Variants in GLCE observed in about 807,000 individuals in gnomAD.
The protein encoded by GLCE is D-glucuronyl C5-epimerase.
Under a neutral mutation model 47.9 loss-of-function variants are expected in GLCE, and 19 were observed. That is an observed-to-expected ratio of 0.40 (90% CI 0.28 to 0.58). The LOEUF (loss-of-function observed/expected upper bound fraction) is 0.58. Among genes scored for constraint, GLCE ranks in the 20% least tolerant of loss-of-function variants. GLCE has a pLI of 0.48. For synonymous variants in GLCE, 245 were observed against 263.4 expected (o/e 0.93, Z 0.68); for missense variants, 556 against 743.3 (o/e 0.75, Z 2.93).
chr15:69,175,446 A>G (rs1485343668), intron 1 of GLCE, among the ~76,000 whole-genome samples: 1 of 152,208 alleles, frequency 6.6e-6, no homozygotes, highest in African/African-American at 2.4e-5. Context: ...TACTTACTGG[A>G]CCTCAGTAGT....
intron 2 of GLCE, among the ~76,000 whole-genome samples, chr15:69,224,196 T>G (rs944827209): frequency 4.6e-5 from 7 of 152,230 alleles, no homozygotes; most frequent in African/African-American, 1.7e-4. Context: ...AATCAGATTT[T>G]CTCCTTTCAC....
At chr15:69,246,717 G>GA (rs60267132) in intron 2 of GLCE, among the ~76,000 whole-genome samples, 21,452 of 100,108 alleles carry the variant, frequency 0.21, 2,072 homozygotes, top group African/African-American at 0.32. Flanking sequence ...CTCCATCTCA[G>GA]AAAAAAAAAA....
intron 2 of GLCE, among the ~76,000 whole-genome samples, chr15:69,217,134 A>G (rs2052318349): frequency 6.6e-6 from 1 of 152,040 alleles, no homozygotes; most frequent in Non-Finnish European, 1.5e-5. Context: ...GCCATTATAG[A>G]AAGGTCTGCC....
chr15:69,186,764 C>G (rs1184087687), intron 1 of GLCE, among the ~76,000 whole-genome samples: 1 of 152,122 alleles, frequency 6.6e-6, no homozygotes, highest in Admixed American at 6.5e-5. Context: ...CTGGCTAAAG[C>G]TGTTTTTGAA....
chr15:69,167,557 G>T (rs1348107047), intron 1 of GLCE, among the ~76,000 whole-genome samples: 1 of 152,166 alleles, frequency 6.6e-6, no homozygotes, highest in African/African-American at 2.4e-5. Context: ...GCCAACCATG[G>T]GCCAACTAAT....
chr15:69,261,534 T>C (rs1030951662), intron 4 of GLCE, among the ~76,000 whole-genome samples: 6 of 152,150 alleles, frequency 3.9e-5, no homozygotes, highest in Admixed American at 3.3e-4. Context: ...ATATTTACTA[T>C]GTAAAGAGCC....
intron 1 of GLCE, among the ~76,000 whole-genome samples, chr15:69,186,075 G>A (rs80290385): frequency 0.012 from 1,762 of 152,168 alleles, 28 homozygotes; most frequent in African/African-American, 0.038. Flanking sequence ...GAAGGGGTGC[G>A]GAGCTTTCAT....
chr15:69,165,595 C>A (rs1484210819), intron 1 of GLCE, among the ~76,000 whole-genome samples: 1 of 134,556 alleles, frequency 7.4e-6, no homozygotes, highest in African/African-American at 2.8e-5. Context: ...GTCTTCTGGT[C>A]TTCCCTCTTC....
intron 1 of GLCE, among the ~76,000 whole-genome samples, chr15:69,169,042 T>A (rs188051159): frequency 1.2e-4 from 18 of 152,362 alleles, no homozygotes; most frequent in African/African-American, 4.3e-4. Context: ...ACTTTTCTGA[T>A]ACCCATCACT....
At chr15:69,166,251 AG>A (rs1229419813) in intron 1 of GLCE, among the ~76,000 whole-genome samples, 3 of 152,244 alleles carry the variant, frequency 2.0e-5, no homozygotes, top group Non-Finnish European at 4.4e-5. Context: ...TAATTTGCTC[AG>A]CGTCATTATC....
intron 3 of GLCE, among the ~76,000 whole-genome samples, chr15:69,258,702 C>G (rs1299808706): frequency 6.6e-6 from 1 of 152,060 alleles, no homozygotes; most frequent in Non-Finnish European, 1.5e-5. Context: ...GTATCCATCA[C>G]CTCAACCATT....
At chr15:69,229,829 G>A (rs2052497298) in intron 2 of GLCE, among the ~76,000 whole-genome samples, 5 of 151,734 alleles carry the variant, frequency 3.3e-5, no homozygotes, top group Admixed American at 3.3e-4. Flanking sequence ...ATTAAAAAAT[G>A]GAGATTATCT....
chr15:69,225,405 T>C (rs968225601), intron 2 of GLCE, among the ~76,000 whole-genome samples: 3 of 152,192 alleles, frequency 2.0e-5, no homozygotes, highest in Admixed American at 2.0e-4. Flanking sequence ...TTAAATATGG[T>C]CTTATATCAT....
chr15:69,242,101 G>A (rs1443154671), intron 2 of GLCE, among the ~76,000 whole-genome samples: 4 of 152,142 alleles, frequency 2.6e-5, no homozygotes, highest in Non-Finnish European at 5.9e-5. Context: ...TTGCAGTGTA[G>A]ATAAGGAAAT....
At chr15:69,199,422 A>G (rs2052044802) in intron 1 of GLCE, among the ~76,000 whole-genome samples, 1 of 152,136 alleles carries the variant, frequency 6.6e-6, no homozygotes, top group Admixed American at 6.5e-5. Context: ...GTTGAATTTG[A>G]TCTCTACTAT....
At chr15:69,181,242 C>CT (rs2051744756) in intron 1 of GLCE, among the ~76,000 whole-genome samples, 1 of 152,124 alleles carries the variant, frequency 6.6e-6, no homozygotes, top group Non-Finnish European at 1.5e-5. Flanking sequence ...TGACTGCTAA[C>CT]TATCTGAGTC....
intron 3 of GLCE, among the ~76,000 whole-genome samples, chr15:69,258,004 T>TTATTG (rs2052953463): frequency 6.6e-6 from 1 of 152,046 alleles, no homozygotes; most frequent in Non-Finnish European, 1.5e-5. Context: ...TTATTTTATT[T>TTATTG]TTAATTTTTA....
In GLCE at chr15:69,255,825, C is replaced by CG. The variant is rs1566970436; in HGVS notation, c.22dup (p.Val8GlyfsTer4). 6.2e-7 allele frequency: 1 copy of CG among 1,609,328 alleles called. No homozygotes were observed. Among genetic ancestry groups the CG allele is most frequent in the Non-Finnish European group, 8.5e-7 (1 of 1,176,228 alleles). On this transcript the variant is annotated frameshift_variant, in exon 3 of 5. Transcript: ENST00000261858. LOFTEE classifies it high-confidence loss of function. ...TCTGAATATGCGTTGCTTGGCAGCT[C>CG]GGGTCAACTATAAGACTTTGATTAT...
chr15:69,231,812 C>T (rs184067504), intron 2 of GLCE, among the ~76,000 whole-genome samples: 26 of 152,050 alleles, frequency 1.7e-4, no homozygotes, highest in East Asian at 3.9e-4. Context: ...TTTTCTGAGA[C>T]GGAGTATTTC....
Sources: allele counts gnomAD v4.1 joint callset (sites outside exome capture counted in the v4.1 genomes callset), GRCh38; gene constraint gnomAD v4.1.1; transcripts MANE v1.5; gene names NCBI Gene and HGNC (gene_info 2026-07-23, HGNC 2026-07-21).